The following SIRT5 variants were observed in gnomAD, a reference collection of about 807,000 sequenced individuals.
The protein encoded by SIRT5 is NAD-dependent protein deacylase sirtuin-5, mitochondrial.
Under a neutral mutation model 40.0 loss-of-function variants are expected in SIRT5, and 26 were observed. The observed-to-expected ratio is 0.65, with a 90% CI of 0.48 to 0.90. SIRT5 has a LOEUF of 0.90. SIRT5 is among the 40% of genes least tolerant of loss of function. The pLI is 0.00. For synonymous variants in SIRT5, 146 were observed against 149.1 expected, an observed-to-expected ratio of 0.98 and a Z score of 0.15; for missense variants, 401 against 402.4, an observed-to-expected ratio of 1.00 and a Z score of 0.03.
chr6:13,604,498 CTAAT>C (rs1355941527), intron 9 of SIRT5: 24 of 1,574,974 alleles, frequency 1.5e-5, no homozygotes, highest in Non-Finnish European at 2.1e-5. Context: ...CATCTCATCT[CTAAT>C]TATTATAAAG....
rs1762804953 is a variant in SIRT5 at position 13,604,327 on chromosome 6, A to C, written c.857+3378A>C. 1.5e-5 allele frequency: 10 copies of C among 688,474 alleles called. No homozygotes were observed. In the East Asian group the frequency reaches 2.7e-4, roughly 19 times the overall value. The allele number at this position is 688,474 out of a possible 1,614,324, so 42.6% of individuals were successfully genotyped here. ...GCAGCTGGGCCACTTAGCATGACTA[A>C]GCGTAGTAATACCGGAGCTAGGCAG... On this transcript the variant is annotated intron_variant, in intron 9 of 9. Transcript: ENST00000606117.
At chr6:13,593,308 G>A (rs368241784) in intron 5 of SIRT5, among the ~76,000 whole-genome samples, 1 of 152,160 alleles carries the variant, frequency 6.6e-6, no homozygotes, top group Non-Finnish European at 1.5e-5. Flanking sequence ...CTTTTACTTA[G>A]ATCACCCTGA....
chr6:13,607,965 G>T lies in SIRT5; in HGVS notation c.858-3825G>T, dbSNP rs545080934. ...AGTAGAGACGGGTTTTCACCACATT[G>T]CCCAGGCTGGTCTCAAACTACTGAC... On this transcript the variant is annotated intron_variant, in intron 9 of 9. Coordinates refer to ENST00000606117, the MANE Select transcript of SIRT5 (RefSeq NM_012241.5). The surrounding 1 kb of genome is among the most constrained non-coding windows in gnomAD (Gnocchi z 4.0). Among the ~76,000 whole-genome samples the T allele has an allele frequency of 1.5e-3, 223 of 151,914 alleles. No individual in the cohort carries two copies. The highest frequency in any genetic ancestry group is 5.2e-3 in the African/African-American group (214 of 41,438).
rs1363353992 is a variant in SIRT5, at chr6:13,579,807, T to A, written c.-36+198T>A. Among the ~76,000 whole-genome samples the A allele has an allele frequency of 2.6e-5, 4 of 152,216 alleles. No individual in the cohort carries two copies. In the East Asian group the frequency reaches 5.8e-4, roughly 22 times the overall value. ...AAGCTGGGTGATAAGAATATAAGGG[T>A]TCCCCATACTACACTGTTTATTTTT... On this transcript the variant is annotated intron_variant, in intron 2 of 9. Coordinates refer to ENST00000606117, the MANE Select transcript of SIRT5 (RefSeq NM_012241.5).
In SIRT5 at chr6:13,585,644, G is replaced by T. The variant is rs528985600; in HGVS notation, c.115+1419G>T. On this transcript the variant is annotated intron_variant, in intron 3 of 9. Coordinates refer to ENST00000606117, the MANE Select transcript of SIRT5 (RefSeq NM_012241.5). Reference sequence around the variant, plus strand: ...CATTTTCTTAGTCCAGTCTATCACTGATGGACATTTAGGTTGGTTCCAAGT... The same window carrying T: ...CATTTTCTTAGTCCAGTCTATCACTTATGGACATTTAGGTTGGTTCCAAGT... Among the ~76,000 whole-genome samples, 18 of 152,284 alleles carry T rather than the reference G, an allele frequency of 1.2e-4. No individual in the cohort carries two copies. The East Asian group carries it at 3.3e-3, about 28-fold the overall frequency.
At chr6:13,602,789 A>G (rs187528885) in intron 9 of SIRT5, among the ~76,000 whole-genome samples, 265 of 152,342 alleles carry the variant, frequency 1.7e-3, no homozygotes, top group African/African-American at 6.0e-3. Flanking sequence ...CCCAAAATGG[A>G]TCATAGACCT....
intron 8 of SIRT5, among the ~76,000 whole-genome samples, chr6:13,599,926 C>T (rs1762137607): frequency 6.6e-6 from 1 of 152,228 alleles, no homozygotes. Flanking sequence ...CAGCAGTTCA[C>T]TTAGCATGTT....
At chr6:13,582,182 A>T (rs956300816) in intron 2 of SIRT5, among the ~76,000 whole-genome samples, 1 of 152,132 alleles carries the variant, frequency 6.6e-6, no homozygotes, top group African/African-American at 2.4e-5. Flanking sequence ...ATATATAAAC[A>T]CATATGGAAA....
chr6:13,575,346 G>A (rs1758470890), intron 1 of SIRT5, among the ~76,000 whole-genome samples: 1 of 152,072 alleles, frequency 6.6e-6, no homozygotes, highest in South Asian at 2.1e-4. Context: ...CAAATAGGAG[G>A]GTGGAGACGA....
chr6:13,584,264 G>A (rs1759763673), intron 3 of SIRT5, 39 bp downstream of exon 3: 2 of 1,413,170 alleles, frequency 1.4e-6, no homozygotes, highest in East Asian at 2.3e-5. Flanking sequence ...GCAGCCAAAT[G>A]TGAAGTACCT....
At chr6:13,578,055 A>G (rs1758850766) in intron 1 of SIRT5, among the ~76,000 whole-genome samples, 1 of 152,182 alleles carries the variant, frequency 6.6e-6, no homozygotes, top group African/African-American at 2.4e-5. Context: ...GCATCTTTTG[A>G]GGTGATCATA....
chr6:13,598,907 T>G (rs1584819746), intron 7 of SIRT5, 125 bp from the exon 8 acceptor site: 1 of 1,012,558 alleles, frequency 9.9e-7, no homozygotes, highest in African/African-American at 1.6e-5. Context: ...AGGGAGGGTG[T>G]AGGGAATAAG....
At chr6:13,602,015 T>C (rs1320427510) in intron 9 of SIRT5, among the ~76,000 whole-genome samples, 1 of 152,086 alleles carries the variant, frequency 6.6e-6, no homozygotes, top group Non-Finnish European at 1.5e-5. Flanking sequence ...ACTAAGAAGA[T>C]AGCCTTAAAA....
chr6:13,591,675 G>T lies in SIRT5; in HGVS notation c.256G>T (p.Ala86Ser). The change falls in exon 5 of 10, where the codon GCG becomes TCG. Residue 86 changes from alanine to serine, a missense_variant. Transcript: ENST00000606117. ...CCTCCTCTCCCACTCCCAGGACCTGGCGACTCCCCTGGCCTTTGCCCACAA... is the reference window on the plus strand; with the variant it reads ...CCTCCTCTCCCACTCCCAGGACCTGTCGACTCCCCTGGCCTTTGCCCACAA... The part of the protein sequence containing the change: ...YWRKWQAQDL[A>S]TPLAFAHNPS... 1 of 1,562,812 alleles carries T rather than the reference G, an allele frequency of 6.4e-7. No individual in the cohort carries two copies. Among genetic ancestry groups the T allele is most frequent in the Non-Finnish European group, 8.7e-7 (1 of 1,147,844 alleles).
intron 8 of SIRT5, among the ~76,000 whole-genome samples, 194 bp from the exon 9 acceptor site, chr6:13,600,640 G>A (rs571268713): frequency 2.0e-5 from 3 of 152,214 alleles, no homozygotes; most frequent in African/African-American, 4.8e-5. Context: ...TATTCTTCTC[G>A]ATTCTAGTGA....
In SIRT5 at chr6:13,595,356, T is replaced by G. The variant is rs1300253275; in HGVS notation, c.476-121T>G. On this transcript the variant is annotated intron_variant, in intron 5 of 9. Transcript: ENST00000606117. ...ACTGCTACACTCCAGCCTGGGTAACTGGGTGAGACCAAAACATGAAATGAA... is the reference window on the plus strand; with the variant it reads ...ACTGCTACACTCCAGCCTGGGTAACGGGGTGAGACCAAAACATGAAATGAA... The G allele has an allele frequency of 6.8e-6, 5 of 739,582 alleles. No homozygotes were observed. In the African/African-American group the frequency reaches 8.7e-5, roughly 13 times the overall value. The allele number at this position is 739,582 out of a possible 1,614,324, so 45.8% of individuals were successfully genotyped here. A position where few individuals can be genotyped will look rare whatever the true frequency, so the allele number is the denominator to read the frequency against.
chr6:13,603,695 C>T (rs999359178), intron 9 of SIRT5, among the ~76,000 whole-genome samples: 2 of 152,168 alleles, frequency 1.3e-5, no homozygotes, highest in Non-Finnish European at 2.9e-5. Flanking sequence ...CAATTCTACT[C>T]CTTGGTATAT....
rs925259497 is a variant in SIRT5, at chr6:13,574,736, G to C, written c.-203G>C. The C allele has an allele frequency of 1.3e-5, 2 of 152,352 alleles. No individual in the cohort carries two copies. Among genetic ancestry groups the C allele is most frequent in the South Asian group, 2.1e-4 (1 of 4,830 alleles). The allele number at this position is 152,352 out of a possible 1,614,324, so 9.4% of individuals were successfully genotyped here. A position where few individuals can be genotyped will look rare whatever the true frequency, so the allele number is the denominator to read the frequency against. On this transcript the variant is annotated 5_prime_UTR_variant, in exon 1 of 10. Coordinates refer to ENST00000606117, the MANE Select transcript of SIRT5 (RefSeq NM_012241.5). ...TCTTAGCGGGCCGGCAGCATGTGCG[G>C]GGCCCAAGGTCTTCCGGGCTCTGCG...
chr6:13,579,102 T>C (rs1759013150), intron 1 of SIRT5, among the ~76,000 whole-genome samples: 1 of 152,232 alleles, frequency 6.6e-6, no homozygotes, highest in South Asian at 2.1e-4. Context: ...TGAACAGGGT[T>C]GTAACCTTGT....
Sources: allele counts gnomAD v4.1 joint callset (sites outside exome capture counted in the v4.1 genomes callset), GRCh38; gene constraint gnomAD v4.1.1; non-coding constraint Gnocchi (gnomAD v3.1); transcripts MANE v1.5; gene names NCBI Gene and HGNC (gene_info 2026-07-23, HGNC 2026-07-21).